FRMD4A: variants seen among roughly 807,000 people sequenced by gnomAD.
The protein encoded by FRMD4A is FERM domain-containing protein 4A.
FRMD4A carries 29 observed loss-of-function variants against 129.1 expected under a neutral mutation model. That is an observed-to-expected ratio of 0.22 (90% CI 0.17 to 0.31). The LOEUF is 0.31. FRMD4A is among the 10% of genes least tolerant of loss of function. The pLI is 1.00. For synonymous variants in FRMD4A, 634 were observed against 571.6 expected, an observed-to-expected ratio of 1.11 and a Z score of -1.56; for missense variants, 1,272 against 1,375.8, an observed-to-expected ratio of 0.92 and a Z score of 1.19.
intron 19 of FRMD4A, among the ~76,000 whole-genome samples, chr10:13,663,243 A>G (rs930185679): frequency 3.9e-5 from 6 of 151,988 alleles, no homozygotes; most frequent in African/African-American, 1.2e-4. Flanking sequence ...CCACTCACTG[A>G]TGAAAAGCTC....
At chr10:13,947,608 GCA>G (rs147781803) in intron 2 of FRMD4A, among the ~76,000 whole-genome samples, 3,191 of 148,442 alleles carry the variant, frequency 0.021, 113 homozygotes, top group African/African-American at 0.072. Context: ...ACACACACGT[GCA>G]CACACACACA....
At chr10:13,750,069 GAAGAAAGAAAGAAAGAAAGA>G (rs1185474605) in intron 8 of FRMD4A, among the ~76,000 whole-genome samples, 1 of 55,600 alleles carries the variant, frequency 1.8e-5, no homozygotes, top group African/African-American at 6.3e-5. Flanking sequence ...AGGAAGGAAG[GAAGAAAGAAAGAAAGAAAGA>G]AAGAAAGAAA....
chr10:14,249,277 G>A (rs1432699163), intron 2 of FRMD4A, among the ~76,000 whole-genome samples: 4 of 151,608 alleles, frequency 2.6e-5, no homozygotes, highest in Admixed American at 1.3e-4. Flanking sequence ...ATTTGAACCC[G>A]GGAGGCAGAG....
At chr10:13,853,829 CAAAAA>C (rs745585369) in intron 3 of FRMD4A, among the ~76,000 whole-genome samples, 4 of 89,882 alleles carry the variant, frequency 4.5e-5, no homozygotes, top group Admixed American at 3.9e-4. Flanking sequence ...AAGACTCTCT[CAAAAA>C]AAAAAAAAAA....
At chr10:13,753,195 C>T (rs1396354932) in intron 8 of FRMD4A, among the ~76,000 whole-genome samples, 1 of 152,218 alleles carries the variant, frequency 6.6e-6, no homozygotes, top group African/African-American at 2.4e-5. Flanking sequence ...CCTTTCCTTT[C>T]TTCCTCCTCC....
Position 14,086,724 on chromosome 10 carries a change from GT to G in FRMD4A, c.46-227813del, listed in dbSNP as rs954041127. ...GAGAGCTTACTTATATAATGTATGG[GT>G]TTTTTTTGTTATTGTTTTAGAATGA... On this transcript the variant is annotated intron_variant, in intron 2 of 24. Coordinates refer to ENST00000357447, the MANE Select transcript of FRMD4A (RefSeq NM_018027.5). Among the ~76,000 whole-genome samples, 8 of 151,828 alleles carry G rather than the reference GT, an allele frequency of 5.3e-5. No homozygotes were observed. In the East Asian group the frequency reaches 5.8e-4, roughly 11 times the overall value.
chr10:13,789,777 G>GTGTGTT (rs894398058), intron 5 of FRMD4A, among the ~76,000 whole-genome samples: 4 of 149,372 alleles, frequency 2.7e-5, no homozygotes, highest in African/African-American at 1.0e-4. Flanking sequence ...TAATGTGTGT[G>GTGTGTT]TGTGTGTGTG....
At chr10:13,921,669 C>T (rs1565042999) in intron 2 of FRMD4A, among the ~76,000 whole-genome samples, 3 of 152,112 alleles carry the variant, frequency 2.0e-5, no homozygotes, top group African/African-American at 4.8e-5. Context: ...ACCTTGGGGG[C>T]TAGGTTTCAA....
At chr10:14,172,088 T>C (rs947153728) in intron 2 of FRMD4A, among the ~76,000 whole-genome samples, 1 of 152,356 alleles carries the variant, frequency 6.6e-6, no homozygotes, top group South Asian at 2.1e-4. Flanking sequence ...TCAGTCATGA[T>C]GATATTGTAG....
chr10:14,175,194 C>A (rs992796385), intron 2 of FRMD4A, among the ~76,000 whole-genome samples: 2 of 152,080 alleles, frequency 1.3e-5, no homozygotes, highest in African/African-American at 4.8e-5. Context: ...GGGCCAGGAC[C>A]CCTTTTGCAT....
chr10:13,925,566 C>CTTTTTTTGTTTTTT (rs2095122796), intron 2 of FRMD4A, among the ~76,000 whole-genome samples: 1 of 61,938 alleles, frequency 1.6e-5, no homozygotes, highest in African/African-American at 7.1e-5. Context: ...TAGTGAAACG[C>CTTTTTTTGTTTTTT]TTTTTTTTTT....
At chr10:14,196,510 T>A (rs1842476446) in intron 2 of FRMD4A, among the ~76,000 whole-genome samples, 1 of 152,230 alleles carries the variant, frequency 6.6e-6, no homozygotes, top group Admixed American at 6.5e-5. Flanking sequence ...AAGGCTTTGA[T>A]TTTACACAAG....
At chr10:13,906,931 G>C (rs772644961) in intron 2 of FRMD4A, among the ~76,000 whole-genome samples, 1 of 152,142 alleles carries the variant, frequency 6.6e-6, no homozygotes, top group Non-Finnish European at 1.5e-5. Context: ...CACATCTAAA[G>C]GTGCGTGCTC....
intron 3 of FRMD4A, among the ~76,000 whole-genome samples, chr10:13,839,845 G>A (rs1295475921): frequency 3.9e-5 from 6 of 152,162 alleles, no homozygotes; most frequent in East Asian, 1.9e-4. Context: ...CTGGAGGCCC[G>A]ACTTTCCCTG....
intron 2 of FRMD4A, among the ~76,000 whole-genome samples, chr10:14,088,015 T>C (rs895112181): frequency 5.9e-5 from 9 of 152,176 alleles, no homozygotes; most frequent in African/African-American, 2.2e-4. Context: ...AAAGTCACCT[T>C]GGTATCTGGA....
At chr10:14,031,175 C>T (rs1833223632) in intron 2 of FRMD4A, among the ~76,000 whole-genome samples, 2 of 152,312 alleles carry the variant, frequency 1.3e-5, no homozygotes, top group South Asian at 2.1e-4. Context: ...TGGGCTTCAC[C>T]ACGTGGACTT....
At chr10:13,978,056 T>C (rs1257731753) in intron 2 of FRMD4A, among the ~76,000 whole-genome samples, 1 of 152,218 alleles carries the variant, frequency 6.6e-6, no homozygotes, top group Non-Finnish European at 1.5e-5. Flanking sequence ...GTTGAACCAT[T>C]TGAGGAACTG....
intron 2 of FRMD4A, among the ~76,000 whole-genome samples, chr10:13,979,199 A>G (rs2095552219): frequency 6.7e-6 from 1 of 150,208 alleles, no homozygotes; most frequent in Admixed American, 6.6e-5. Flanking sequence ...GCCTTATGTG[A>G]AAAAAAATAC....
intron 2 of FRMD4A, among the ~76,000 whole-genome samples, chr10:13,964,914 G>C (rs2095475518): frequency 1.3e-5 from 2 of 151,958 alleles, no homozygotes; most frequent in African/African-American, 2.4e-5. Context: ...TCGATCTCTT[G>C]ACCTCATGAC....
Sources: gnomAD v4.1 joint callset for allele counts (sites outside exome capture counted in the v4.1 genomes callset) on GRCh38, gnomAD v4.1.1 for gene constraint, MANE v1.5 for transcripts, NCBI Gene and HGNC (gene_info 2026-07-23, HGNC 2026-07-21) for gene names.